The following MINDY2 variants were observed in gnomAD, a reference collection of about 807,000 sequenced individuals.
The protein encoded by MINDY2 is MINDY lysine 48 deubiquitinase 2.
MINDY2 carries 52 observed loss-of-function variants against 68.2 expected under a neutral mutation model. That is an observed-to-expected ratio of 0.76 (90% confidence interval 0.61 to 0.96). The LOEUF is 0.96. MINDY2 is among the 40% of genes least tolerant of loss of function. MINDY2 has a pLI of 0.00. For missense variants in MINDY2, 881 were observed against 773.4 expected (o/e 1.14, Z -1.65); for synonymous variants, 372 against 303.0 (o/e 1.23, Z -2.36).
chr15:58,787,041 G>A (rs1322369241), intron 1 of MINDY2, among the ~76,000 whole-genome samples: 1 of 152,052 alleles, frequency 6.6e-6, no homozygotes, highest in Non-Finnish European at 1.5e-5. Flanking sequence ...TGTTGGCTAG[G>A]CTGGTCTCGA....
intron 1 of MINDY2, among the ~76,000 whole-genome samples, chr15:58,773,071 C>G (rs1215582003): frequency 6.6e-6 from 1 of 152,060 alleles, no homozygotes; most frequent in Non-Finnish European, 1.5e-5. Context: ...TGAGAAGATG[C>G]ATCTCACAGC....
chr15:58,802,449 G>A (rs1902730059), intron 3 of MINDY2, 72 bp downstream of exon 3: 3 of 987,422 alleles, frequency 3.0e-6, no homozygotes, highest in Non-Finnish European at 3.0e-6. Context: ...ATTAGTAGCT[G>A]GCAGCATTTT....
intron 1 of MINDY2, among the ~76,000 whole-genome samples, chr15:58,787,390 T>C (rs554239509): frequency 2.0e-4 from 31 of 152,076 alleles, no homozygotes; most frequent in Non-Finnish European, 3.8e-4. Context: ...TTACTTTTAA[T>C]AGCAAAACCG....
intron 3 of MINDY2, among the ~76,000 whole-genome samples, chr15:58,808,614 T>C (rs1269306252): frequency 5.9e-5 from 9 of 152,310 alleles, no homozygotes; most frequent in Non-Finnish European, 1.2e-4. Context: ...TTTTTGTTTT[T>C]GTTTTTTTGA....
intron 5 of MINDY2, 31 bp from the exon 6 acceptor site, chr15:58,831,743 T>TTCTA (rs755581774): frequency 6.4e-7 from 1 of 1,558,568 alleles, no homozygotes; most frequent in African/African-American, 1.4e-5. Context: ...GAAATTATTC[T>TTCTA]TCTATCTAAT....
intron 4 of MINDY2, among the ~76,000 whole-genome samples, chr15:58,811,799 T>C (rs1381736987): frequency 1.3e-5 from 2 of 152,176 alleles, no homozygotes; most frequent in Non-Finnish European, 2.9e-5. Context: ...AGAGAAGAAA[T>C]GGAGAGTCAA....
Position 58,772,119 on chromosome 15 carries a change from G to T in MINDY2, c.724G>T (p.Val242Leu). ...CAAGGAACGCTTCCCGGGACAATCT[G>T]TGTATCACATCAAGTGGATCCAGTG... ...ASKERFPGQS[V>L]YHIKWIQWKE... is the part of the protein sequence containing the mutation. Residue 242 changes from valine to leucine, a missense_variant, in exon 1 of 9, where the codon GTG (valine) becomes TTG (leucine). Coordinates refer to ENST00000559228, the MANE Select transcript of MINDY2 (RefSeq NM_001040450.3). 6.2e-7 allele frequency: 1 copy of T among 1,614,114 alleles called. No homozygotes were observed. The highest frequency in any genetic ancestry group is 8.5e-7 in the Non-Finnish European group (1 of 1,179,986).
rs2033201431 is a variant in MINDY2, at chr15:58,860,917, C to G, written c.*6307C>G. 1 of 151,970 alleles carries G rather than the reference C, an allele frequency of 6.6e-6. No homozygotes were observed. Among genetic ancestry groups the G allele is most frequent in the African/African-American group, 2.4e-5 (1 of 41,412 alleles). 9.4% of individuals were successfully genotyped at this position (151,970 alleles called of 1,614,324 possible). A position where few individuals can be genotyped will look rare whatever the true frequency, so the allele number is the denominator to read the frequency against. ...TTTAAAGATGAGGTTTTGAAAAGCCCTCAGAGGTTTTTGTTAAAAGACTAT... is the reference window on the plus strand; with the variant it reads ...TTTAAAGATGAGGTTTTGAAAAGCCGTCAGAGGTTTTTGTTAAAAGACTAT... On this transcript the variant is annotated 3_prime_UTR_variant, in exon 9 of 9. Transcript: ENST00000559228.
At chr15:58,804,564 T>C (rs756877016) in intron 3 of MINDY2, among the ~76,000 whole-genome samples, 5 of 152,118 alleles carry the variant, frequency 3.3e-5, no homozygotes, top group Non-Finnish European at 7.4e-5. Flanking sequence ...TCCCAGCACT[T>C]TGGGAGGCCA....
intron 6 of MINDY2, among the ~76,000 whole-genome samples, chr15:58,834,292 C>T (rs554309803): frequency 6.6e-6 from 1 of 152,264 alleles, no homozygotes; most frequent in Non-Finnish European, 1.5e-5. Context: ...TCTCTTTTCC[C>T]CACAATATCT....
At chr15:58,850,695 C>T (rs2032767871) in intron 7 of MINDY2, among the ~76,000 whole-genome samples, 1 of 151,618 alleles carries the variant, frequency 6.6e-6, no homozygotes, top group Non-Finnish European at 1.5e-5. Flanking sequence ...GTGATCCTCC[C>T]ACCTCAGCCT....
intron 2 of MINDY2, among the ~76,000 whole-genome samples, chr15:58,796,597 C>T (rs903270981): frequency 2.6e-5 from 4 of 152,228 alleles, no homozygotes; most frequent in Admixed American, 6.5e-5. Flanking sequence ...CGATCTTGCT[C>T]ACTGCAACCT....
chr15:58,831,305 G>A (rs1355508780), intron 5 of MINDY2, among the ~76,000 whole-genome samples: 3 of 151,936 alleles, frequency 2.0e-5, no homozygotes, highest in Non-Finnish European at 4.4e-5. Context: ...GAATTATCTA[G>A]GATTTTTGTG....
At chr15:58,828,849 CCA>C (rs2031564526) in intron 5 of MINDY2, among the ~76,000 whole-genome samples, 1 of 151,762 alleles carries the variant, frequency 6.6e-6, no homozygotes, top group Non-Finnish European at 1.5e-5. Context: ...GCCACTGCGC[CCA>C]GTCTTAAATT....
At chr15:58,823,604 G>C (rs775613942) in intron 5 of MINDY2, among the ~76,000 whole-genome samples, 42 of 152,124 alleles carry the variant, frequency 2.8e-4, no homozygotes, top group Non-Finnish European at 5.6e-4. Flanking sequence ...GGTCAAGGCT[G>C]CAGTGAGCCA....
At chr15:58,772,379 A>G (rs886257143) in intron 1 of MINDY2, 144 bp downstream of exon 1, 4 of 1,279,848 alleles carry the variant, frequency 3.1e-6, no homozygotes, top group Non-Finnish European at 4.3e-6. Context: ...CAAGACTTCC[A>G]TGTTGAAGGA....
chr15:58,775,949 G>A (rs1900746442), intron 1 of MINDY2, among the ~76,000 whole-genome samples: 2 of 149,004 alleles, frequency 1.3e-5, no homozygotes, highest in Non-Finnish European at 3.0e-5. Context: ...TGCAGCCTCT[G>A]CCTCCCGGGT....
At chr15:58,826,339 C>T (rs1311856162) in intron 5 of MINDY2, among the ~76,000 whole-genome samples, 2 of 150,000 alleles carry the variant, frequency 1.3e-5, no homozygotes, top group African/African-American at 4.9e-5. Flanking sequence ...AAGCGATTCT[C>T]CTTCCTCGGC....
In MINDY2 at chr15:58,787,140, C is replaced by CAT. The variant is rs1257079442; in HGVS notation, c.841-766_841-765insAT. Among the ~76,000 whole-genome samples, 6 of 78,154 alleles carry CAT rather than the reference C, an allele frequency of 7.7e-5. No individual in the cohort carries two copies. The South Asian group carries it at 1.9e-3, about 24-fold the overall frequency. 51.3% of individuals were successfully genotyped at this position (78,154 alleles called of 152,430 possible). On this transcript the variant is annotated intron_variant, in intron 1 of 8. Coordinates refer to ENST00000559228, the MANE Select transcript of MINDY2 (RefSeq NM_001040450.3). ...CCCATATGCCCAGCCCATTTCTTTACTTTTTTTTTTTTTTTTTTTTTTTTA... is the reference window on the plus strand; with the variant it reads ...CCCATATGCCCAGCCCATTTCTTTACATTTTTTTTTTTTTTTTTTTTTTTTTA...
Sources: allele counts gnomAD v4.1 joint callset (sites outside exome capture counted in the v4.1 genomes callset), GRCh38; gene constraint gnomAD v4.1.1; transcripts MANE v1.5; gene names NCBI Gene and HGNC (gene_info 2026-07-23, HGNC 2026-07-21).